The following MECOM variants were observed in gnomAD, a reference collection of about 807,000 sequenced individuals.
MECOM encodes MDS1 and EVI1 complex locus.
MECOM carries 13 observed loss-of-function variants against 116.3 expected under a neutral mutation model. The observed-to-expected ratio is 0.11, with a 90% CI of 0.07 to 0.18. MECOM has a LOEUF of 0.18. Among genes scored for constraint, MECOM ranks in the 10% least tolerant of loss-of-function variants. The probability of loss-of-function intolerance (pLI) is 1.00; values close to 1 mark genes in which losing one functional copy is unlikely to be tolerated. For synonymous variants in MECOM, 528 were observed against 535.2 expected (o/e 0.99, Z 0.19); for missense variants, 1,299 against 1,509.0 (o/e 0.86, Z 2.31).
intron 1 of MECOM, among the ~76,000 whole-genome samples, chr3:169,581,704 GGGGGT>G (rs1193069371): frequency 6.6e-6 from 1 of 152,152 alleles, no homozygotes; most frequent in Non-Finnish European, 1.5e-5. Flanking sequence ...TTTCAGGACT[GGGGGT>G]GGGAGTACCA....
chr3:169,344,150 C>A (rs966310402), intron 2 of MECOM, among the ~76,000 whole-genome samples: 1 of 151,950 alleles, frequency 6.6e-6, no homozygotes, highest in Non-Finnish European at 1.5e-5. Context: ...AGCTTCGTAG[C>A]CATTTACTTT....
intron 12 of MECOM, among the ~76,000 whole-genome samples, chr3:169,098,941 T>C (rs1388599163): frequency 6.6e-6 from 1 of 152,202 alleles, no homozygotes; most frequent in African/African-American, 2.4e-5. Flanking sequence ...TTGTCACAAC[T>C]ATTAAACCAA....
At chr3:169,440,554 G>A (rs1359311602) in intron 1 of MECOM, among the ~76,000 whole-genome samples, 1 of 136,406 alleles carries the variant, frequency 7.3e-6, no homozygotes, top group Non-Finnish European at 1.6e-5. Context: ...GATGGGGTGG[G>A]AGGAGGGAGT....
chr3:169,351,808 AC>A (rs1374751909), intron 2 of MECOM, among the ~76,000 whole-genome samples: 3 of 151,096 alleles, frequency 2.0e-5, no homozygotes, highest in Non-Finnish European at 4.4e-5. Flanking sequence ...AACTCCTACC[AC>A]CCCCATCTTC....
intron 1 of MECOM, chr3:169,613,458 A>G (rs1278995421): frequency 6.6e-6 from 1 of 152,090 alleles, no homozygotes; most frequent in African/African-American, 2.4e-5. Context: ...CCAATAGGTA[A>G]TTGTCACTAA....
intron 2 of MECOM, among the ~76,000 whole-genome samples, chr3:169,349,569 A>G (rs190183738): frequency 1.8e-4 from 27 of 151,968 alleles, no homozygotes; most frequent in Admixed American, 1.3e-3. Context: ...ATATGACTCA[A>G]ATTGCCCCAC....
At chr3:169,560,435 T>C (rs949575593) in intron 1 of MECOM, among the ~76,000 whole-genome samples, 1 of 152,198 alleles carries the variant, frequency 6.6e-6, no homozygotes, top group Admixed American at 6.5e-5. Flanking sequence ...GATTAAGTAA[T>C]ATTTTTACTT....
intron 2 of MECOM, among the ~76,000 whole-genome samples, chr3:169,165,859 A>T (rs768094774): frequency 1.6e-4 from 25 of 152,144 alleles, no homozygotes; most frequent in Non-Finnish European, 2.4e-4. Flanking sequence ...TTATTTTTTT[A>T]AAAAATGTTT....
At chr3:169,142,233 A>G (rs1738328479) in intron 3 of MECOM, among the ~76,000 whole-genome samples, 1 of 151,966 alleles carries the variant, frequency 6.6e-6, no homozygotes, top group African/African-American at 2.4e-5. Flanking sequence ...TTCTTAAATC[A>G]TCTTTTCACG....
intron 1 of MECOM, among the ~76,000 whole-genome samples, chr3:169,612,866 G>A (rs1444607456): frequency 6.6e-6 from 1 of 152,182 alleles, no homozygotes; most frequent in East Asian, 1.9e-4. Context: ...GAAAGGGTTA[G>A]GCCGTAAGTC....
intron 1 of MECOM, among the ~76,000 whole-genome samples, chr3:169,481,197 T>G (rs1751227929): frequency 6.6e-6 from 1 of 152,206 alleles, no homozygotes; most frequent in Non-Finnish European, 1.5e-5. Flanking sequence ...TCATGGACAT[T>G]AGCCAATTCA....
chr3:169,147,760 G>A, intron 2 of MECOM: 1 of 980,074 alleles, frequency 1.0e-6, no homozygotes, highest in South Asian at 4.7e-5. Flanking sequence ...GTGCATGTGT[G>A]TGTGTGAGAG....
chr3:169,534,559 C>G (rs1759093045), intron 1 of MECOM, among the ~76,000 whole-genome samples: 1 of 152,124 alleles, frequency 6.6e-6, no homozygotes, highest in African/African-American at 2.4e-5. Flanking sequence ...AAAAAAAAAC[C>G]CTACTGACTT....
intron 1 of MECOM, among the ~76,000 whole-genome samples, chr3:169,393,528 A>AG (rs1459459891): frequency 1.3e-5 from 2 of 152,206 alleles, no homozygotes; most frequent in Non-Finnish European, 2.9e-5. Context: ...TTTGTAAAAA[A>AG]GAATACCCAA....
At chr3:169,206,350 A>G (rs1294588633) in intron 2 of MECOM, among the ~76,000 whole-genome samples, 2 of 152,092 alleles carry the variant, frequency 1.3e-5, no homozygotes, top group East Asian at 3.9e-4. Context: ...ATCTAATGGA[A>G]CTCTTGATCA....
At chr3:169,128,084 G>T (rs1385144686) in intron 4 of MECOM, 24 bp from the exon 5 acceptor site, 19 of 1,609,794 alleles carry the variant, frequency 1.2e-5, no homozygotes, top group Admixed American at 1.7e-5. Flanking sequence ...TCAGGTGTTA[G>T]GATTGGGTGG....
intron 1 of MECOM, among the ~76,000 whole-genome samples, chr3:169,650,936 A>G (rs1446993662): frequency 6.6e-6 from 1 of 152,160 alleles, no homozygotes; most frequent in Non-Finnish European, 1.5e-5. Context: ...AATGGTTTAG[A>G]TTGATACATA....
intron 2 of MECOM, among the ~76,000 whole-genome samples, chr3:169,278,976 G>T (rs1424477311): frequency 1.3e-5 from 2 of 152,194 alleles, no homozygotes; most frequent in Non-Finnish European, 1.5e-5. Flanking sequence ...GCCTAGGCAG[G>T]CTCAGGAGTG....
At chr3:169,600,539 C>T (rs537664080) in intron 1 of MECOM, among the ~76,000 whole-genome samples, 24 of 152,208 alleles carry the variant, frequency 1.6e-4, no homozygotes, top group African/African-American at 4.6e-4. Flanking sequence ...TACCCAGGGG[C>T]CATGATTAAT....
Sources: gnomAD v4.1 joint callset for allele counts (sites outside exome capture counted in the v4.1 genomes callset) on GRCh38, gnomAD v4.1.1 for gene constraint, MANE v1.5 for transcripts, NCBI Gene and HGNC (gene_info 2026-07-23, HGNC 2026-07-21) for gene names.